Variants in BUD31 observed in about 807,000 individuals in gnomAD.
The protein encoded by BUD31 is protein BUD31 homolog.
BUD31 carries 9 observed loss-of-function variants against 17.9 expected under a neutral mutation model. The ratio of observed to expected loss-of-function variants is 0.50; its 90% CI spans 0.30 to 0.88. The LOEUF (loss-of-function observed/expected upper bound fraction) is 0.88. Ranked by LOEUF, BUD31 falls within the 40% of genes least tolerant of loss-of-function variation. BUD31 has a pLI of 0.06. For synonymous variants in BUD31, 70 were observed against 64.7 expected (o/e 1.08, Z -0.39); for missense variants, 148 against 184.5 (o/e 0.80, Z 1.15).
chr7:99,411,302 ATGT>A (rs1488228459), intron 3 of BUD31, 116 bp downstream of exon 3: 3 of 718,086 alleles, frequency 4.2e-6, no homozygotes, highest in Non-Finnish European at 7.0e-6. Context: ...TAACACTGAC[ATGT>A]TGTGTTTGCT....
At chr7:99,415,027 A>C (rs1795338987) in intron 3 of BUD31, 2 of 247,440 alleles carry the variant, frequency 8.1e-6, no homozygotes, top group Non-Finnish European at 1.6e-5. Flanking sequence ...TTGTGCCATA[A>C]TTTTGATTAT....
At chr7:99,409,318 C>T (rs1428435456) in intron 1 of BUD31, 73 bp downstream of exon 1, 1 of 152,362 alleles carries the variant, frequency 6.6e-6, no homozygotes, top group Non-Finnish European at 1.5e-5. Flanking sequence ...TGAGTTTTCC[C>T]TACAATCCTG....
At chr7:99,418,271 G>A (rs1377956270) in intron 5 of BUD31, 2 of 161,782 alleles carry the variant, frequency 1.2e-5, no homozygotes. Context: ...CCAGCCCACT[G>A]TGTTTCTTCT....
At chr7:99,411,034 C>T (rs1178956695) in intron 2 of BUD31, 30 bp from the exon 3 acceptor site, 2 of 1,476,206 alleles carry the variant, frequency 1.4e-6, no homozygotes, top group African/African-American at 1.4e-5. Context: ...GGATTTGAGA[C>T]TCAGAAACCA....
Position 99,409,707 on chromosome 7 carries a change from T to C in BUD31, c.-165-327T>C, listed in dbSNP as rs373965369. On this transcript the variant is annotated intron_variant, in intron 1 of 5. Transcript: ENST00000222969. ...GCTGTGTGACCCTGATTCTACCTTA[T>C]AGAGTTTGATTCCTCCTCTATATGG... Among the ~76,000 whole-genome samples the C allele has an allele frequency of 1.2e-4, 17 of 144,108 alleles. No individual in the cohort carries two copies. In the South Asian group the frequency reaches 2.6e-3, roughly 22 times the overall value. The allele number at this position is 144,108 out of a possible 152,430, so 94.5% of individuals were successfully genotyped here. A position where few individuals can be genotyped will look rare whatever the true frequency, so the allele number is the denominator to read the frequency against.
intron 3 of BUD31, among the ~76,000 whole-genome samples, chr7:99,414,350 G>T (rs1467804257): frequency 6.6e-6 from 1 of 152,008 alleles, no homozygotes; most frequent in Non-Finnish European, 1.5e-5. Flanking sequence ...ACGTTGGTCA[G>T]GCTGATCTCG....
intron 3 of BUD31, 97 bp downstream of exon 3, chr7:99,411,283 G>T: frequency 1.1e-6 from 1 of 890,926 alleles, no homozygotes; most frequent in Non-Finnish European, 1.8e-6. Context: ...TAAAAAGAGA[G>T]TGGTCTACTA....
chr7:99,415,591 A>G (rs1385723270), intron 3 of BUD31, among the ~76,000 whole-genome samples: 37 of 151,940 alleles, frequency 2.4e-4, no homozygotes, highest in Admixed American at 2.4e-3. Flanking sequence ...GGGGAAAGGG[A>G]GATTCCCTTT....
At chr7:99,410,004 A>C (rs748086307) in intron 1 of BUD31, 30 bp from the exon 2 acceptor site, 1 of 152,170 alleles carries the variant, frequency 6.6e-6, no homozygotes, top group Non-Finnish European at 1.5e-5. Context: ...GACCTTGGCA[A>C]TCAGCCAATC....
chr7:99,409,386 A>G (rs1584426970), intron 1 of BUD31, 141 bp downstream of exon 1: 1 of 149,702 alleles, frequency 6.7e-6, no homozygotes, highest in Admixed American at 6.6e-5. Context: ...TCTCTCTTAC[A>G]CCTCCCGGCA....
At chr7:99,416,064 GTAGT>G (rs1464735496) in intron 3 of BUD31, 70 bp from the exon 4 acceptor site, 2 of 1,580,006 alleles carry the variant, frequency 1.3e-6, no homozygotes, top group South Asian at 1.1e-5. Context: ...TTCATTATCA[GTAGT>G]TACTTACAAA....
chr7:99,411,265 T>G, intron 3 of BUD31, 79 bp downstream of exon 3: 2 of 1,086,562 alleles, frequency 1.8e-6, no homozygotes, highest in Non-Finnish European at 2.7e-6. Context: ...CAGGCATAAA[T>G]GCAAATATAA....
intron 3 of BUD31, among the ~76,000 whole-genome samples, chr7:99,413,034 C>T (rs997411835): frequency 1.3e-5 from 2 of 152,144 alleles, no homozygotes; most frequent in African/African-American, 2.4e-5. Flanking sequence ...ATGGACTTAC[C>T]GTTCCATGTG....
Position 99,411,054 on chromosome 7 carries a change from T to A in BUD31, c.-29-10T>A. 6.4e-7 allele frequency: 1 copy of A among 1,567,442 alleles called. No homozygotes were observed. The highest frequency in any genetic ancestry group is 8.8e-7 in the Non-Finnish European group (1 of 1,141,198). On this transcript the variant is annotated splice_polypyrimidine_tract_variant and intron_variant, in intron 2 of 5. Transcript: ENST00000222969. ...TGAGACTCAGAAACCAATTCATTTT[T>A]TTCCCCCAGATCTTTGCAGATTATC... is the stretch of plus-strand genomic sequence containing the variant.
chr7:99,419,275 GGT>G, intron 5 of BUD31, 114 bp from the exon 6 acceptor site: 2 of 1,288,274 alleles, frequency 1.6e-6, no homozygotes, highest in South Asian at 2.5e-5. Context: ...GGGTTTCTGA[GGT>G]GTGTCCCTAT....
At chr7:99,412,596 GTTTTC>G (rs1334024758) in intron 3 of BUD31, among the ~76,000 whole-genome samples, 5 of 150,998 alleles carry the variant, frequency 3.3e-5, no homozygotes, top group African/African-American at 1.2e-4. Context: ...GCTTGGCTAA[GTTTTC>G]TTTTCTTTTT....
chr7:99,412,298 G>A (rs1400321492), intron 3 of BUD31, among the ~76,000 whole-genome samples: 1 of 152,230 alleles, frequency 6.6e-6, no homozygotes, highest in Admixed American at 6.5e-5. Context: ...TGCTGGAATA[G>A]AAGAGATTTT....
chr7:99,408,998 G>A lies in BUD31; in HGVS notation c.-413G>A, dbSNP rs1795052197. The A allele has an allele frequency of 6.4e-6, 1 of 155,690 alleles. No individual in the cohort carries two copies. The highest frequency in any genetic ancestry group is 2.4e-5 in the African/African-American group (1 of 41,640). The allele number at this position is 155,690 out of a possible 1,614,324, so 9.6% of individuals were successfully genotyped here. ...AGAAGCAGCTACCCAAGCTCCAGGA[G>A]CTTCCGGTATGTGTTTTCCCTCTGT... is the stretch of plus-strand genomic sequence containing the variant. On this transcript the variant is annotated 5_prime_UTR_variant, in exon 1 of 6. Transcript: ENST00000222969.
In BUD31 at chr7:99,416,180, T is replaced by C. The variant is rs904625362; in HGVS notation, c.137T>C (p.Leu46Pro). The change falls in exon 4 of 6, where the codon CTG (leucine) becomes CCG (proline). Residue 46 changes from leucine to proline, a missense_variant. Coordinates refer to ENST00000222969, the MANE Select transcript of BUD31 (RefSeq NM_003910.4). ...GAGGGAAAGAGGAAAGTGGAATCTC[T>C]GTGGCCCATCTTCAGGATCCACCAC... is the stretch of plus-strand genomic sequence containing the variant. ...PHEGKRKVES[L>P]WPIFRIHHQK... The C allele has an allele frequency of 1.2e-6, 2 of 1,613,960 alleles. No homozygotes were observed. The highest frequency in any genetic ancestry group is 1.3e-5 in the African/African-American group (1 of 74,940).
Sources: allele counts gnomAD v4.1 joint callset (sites outside exome capture counted in the v4.1 genomes callset), GRCh38; gene constraint gnomAD v4.1.1; transcripts MANE v1.5; gene names NCBI Gene and HGNC (gene_info 2026-07-23, HGNC 2026-07-21).